Variants in CCSAP observed in about 807,000 individuals in gnomAD.
CCSAP encodes the protein centriole, cilia and spindle-associated protein.
In CCSAP, 17 loss-of-function variants were observed where a neutral mutation model predicts 25.9. That is an observed-to-expected ratio of 0.66 (90% CI 0.45 to 0.99). The LOEUF (loss-of-function observed/expected upper bound fraction) is 0.99. Among genes scored for constraint, CCSAP ranks in the 50% least tolerant of loss-of-function variants. CCSAP has a pLI of 0.00. For synonymous variants in CCSAP, 169 were observed against 157.1 expected (o/e 1.08, Z -0.57); for missense variants, 339 against 367.8 (o/e 0.92, Z 0.64).
At chr1:229,339,379 C>G (rs189030280) in intron 2 of CCSAP, among the ~76,000 whole-genome samples, 1 of 152,262 alleles carries the variant, frequency 6.6e-6, no homozygotes, top group Admixed American at 6.5e-5. Flanking sequence ...TTTCTACGGA[C>G]AACTGTTCCA....
At chr1:229,328,464 G>A (rs1367682511) in intron 2 of CCSAP, among the ~76,000 whole-genome samples, 1 of 120,790 alleles carries the variant, frequency 8.3e-6, no homozygotes, top group East Asian at 2.2e-4. Flanking sequence ...CCATGCCCAG[G>A]CAATTTACAA....
In CCSAP at chr1:229,342,610, A is replaced by G; in HGVS notation, c.-48-97T>C. ...CCCGGAGCCCCGCCCGGACGGGAGC[A>G]GGGGGCGGGTCCCGGCGAGGGCGGG... is the stretch of plus-strand genomic sequence containing the variant. On this transcript the variant is annotated intron_variant, in intron 1 of 3. Transcript: ENST00000284617. This position sits in a 1 kb window ranked among gnomAD's most constrained non-coding sequence, Gnocchi z 7.5. 1 of 484,058 alleles carries G rather than the reference A, an allele frequency of 2.1e-6. No individual in the cohort carries two copies. Among genetic ancestry groups the G allele is most frequent in the Non-Finnish European group, 3.2e-6 (1 of 311,268 alleles). 30.0% of individuals were successfully genotyped at this position (484,058 alleles called of 1,614,324 possible). A position where few individuals can be genotyped will look rare whatever the true frequency, so the allele number is the denominator to read the frequency against.
In CCSAP at chr1:229,339,079, GA is replaced by G. The variant is rs1386793548; in HGVS notation, c.367+3019del. On this transcript the variant is annotated intron_variant, in intron 2 of 3. Coordinates refer to ENST00000284617, the MANE Select transcript of CCSAP (RefSeq NM_145257.5). ...GTCTAATATCCAACTAAGGACTTCA[GA>G]AAAAAAAGAAATGGGAAAAAAAAAA... Among the ~76,000 whole-genome samples, 4 of 97,300 alleles carry G rather than the reference GA, an allele frequency of 4.1e-5. No individual in the cohort carries two copies. The South Asian group carries it at 1.4e-3, about 35-fold the overall frequency. 63.8% of individuals were successfully genotyped at this position (97,300 alleles called of 152,430 possible). A position where few individuals can be genotyped will look rare whatever the true frequency, so the allele number is the denominator to read the frequency against.
intron 2 of CCSAP, chr1:229,327,692 A>C: frequency 2.5e-6 from 1 of 403,946 alleles, no homozygotes; most frequent in Non-Finnish European, 4.9e-6. Flanking sequence ...ACATGGTGAA[A>C]CCCCGTCTCT....
chr1:229,338,280 G>A (rs1474748139), intron 2 of CCSAP, among the ~76,000 whole-genome samples: 2 of 152,138 alleles, frequency 1.3e-5, no homozygotes, highest in Non-Finnish European at 2.9e-5. Context: ...GGTGGCCAAT[G>A]CTGAAAGGAA....
Position 229,342,383 on chromosome 1 carries a change from C to A in CCSAP, c.83G>T (p.Arg28Leu). ...GCCTAGGCGGTAGTGCAGCAGCTCGCGGTAGCACGGCCCGTACTCCTCCCA... is the reference window on the plus strand; with the variant it reads ...GCCTAGGCGGTAGTGCAGCAGCTCGAGGTAGCACGGCCCGTACTCCTCCCA... ...PRWEEYGPCY[R>L]ELLHYRLGRR... The change falls in exon 2 of 4, where the codon CGC becomes CTC. Residue 28 changes from arginine to leucine, a missense_variant. Arg to Leu is a moderately radical substitution (Grantham distance 102). Transcript: ENST00000284617. The surrounding 1 kb of genome is among the most constrained non-coding windows in gnomAD (Gnocchi z 7.5). The A allele has an allele frequency of 6.7e-7, 1 of 1,503,528 alleles. No individual in the cohort carries two copies. Among genetic ancestry groups the A allele is most frequent in the Non-Finnish European group, 8.9e-7 (1 of 1,123,758 alleles). The allele number at this position is 1,503,528 out of a possible 1,614,324, so 93.1% of individuals were successfully genotyped here.
Position 229,325,070 on chromosome 1 carries a change from C to T in CCSAP, c.*165G>A. On this transcript the variant is annotated 3_prime_UTR_variant, in exon 4 of 4. Transcript: ENST00000284617. Reference sequence around the variant, plus strand: ...CTGCCCTACTGCCGAGGTAGGTGACCAATATTCATCAAAATAAAACAATCT... The same window carrying T: ...CTGCCCTACTGCCGAGGTAGGTGACTAATATTCATCAAAATAAAACAATCT... 1 of 612,778 alleles carries T rather than the reference C, an allele frequency of 1.6e-6. No individual in the cohort carries two copies. 38.0% of individuals were successfully genotyped at this position (612,778 alleles called of 1,614,324 possible).
At chr1:229,332,502 G>A (rs562399266) in intron 2 of CCSAP, among the ~76,000 whole-genome samples, 2 of 152,278 alleles carry the variant, frequency 1.3e-5, no homozygotes, top group East Asian at 3.9e-4. Flanking sequence ...AACAATAAGT[G>A]TATGTTTCTA....
At position 229,321,918 on chromosome 1, in the gene CCSAP, T is replaced by C. The variant is rs976467594; in HGVS notation, c.*3317A>G. Reference sequence around the variant, plus strand: ...CTTTTTTTTCCTTGTCATTATTCCCTAAACAATATAGTATAACAACTATTT... The same window carrying C: ...CTTTTTTTTCCTTGTCATTATTCCCCAAACAATATAGTATAACAACTATTT... On this transcript the variant is annotated 3_prime_UTR_variant, in exon 4 of 4. Coordinates refer to ENST00000284617, the MANE Select transcript of CCSAP (RefSeq NM_145257.5). 2.6e-5 allele frequency: 4 copies of C among 152,256 alleles called. No homozygotes were observed. Among genetic ancestry groups the C allele is most frequent in the African/African-American group, 9.6e-5 (4 of 41,468 alleles). 9.4% of individuals were successfully genotyped at this position (152,256 alleles called of 1,614,324 possible). A position where few individuals can be genotyped will look rare whatever the true frequency, so the allele number is the denominator to read the frequency against.
chr1:229,336,132 G>A (rs1658189523), intron 2 of CCSAP, among the ~76,000 whole-genome samples: 2 of 146,570 alleles, frequency 1.4e-5, no homozygotes, highest in Non-Finnish European at 3.0e-5. Context: ...TATCCATGGG[G>A]GTATCTCGGA....
chr1:229,333,431 G>GGAAAA (rs1553304883), intron 2 of CCSAP, among the ~76,000 whole-genome samples: 2 of 70,478 alleles, frequency 2.8e-5, no homozygotes, highest in Non-Finnish European at 5.4e-5. Flanking sequence ...AGACTCCATC[G>GGAAAA]AAAAAAAAAA....
chr1:229,336,009 A>G (rs1221602917), intron 2 of CCSAP, among the ~76,000 whole-genome samples: 1 of 151,958 alleles, frequency 6.6e-6, no homozygotes, highest in Non-Finnish European at 1.5e-5. Context: ...ATTTAATTGT[A>G]TTAGGTATTA....
At chr1:229,337,678 A>AAAAAAAAAAAAAAAAAAAAT in intron 2 of CCSAP, among the ~76,000 whole-genome samples, 2 of 65,510 alleles carry the variant, frequency 3.1e-5, no homozygotes, top group Non-Finnish European at 6.2e-5. Flanking sequence ...CTCAAAAAAA[A>AAAAAAAAAAAAAAAAAAAAT]ATATATATAT....
chr1:229,329,448 G>T (rs905166221), intron 2 of CCSAP, among the ~76,000 whole-genome samples: 6 of 152,208 alleles, frequency 3.9e-5, no homozygotes. Context: ...GGGGTAGATA[G>T]TGTGGGGGAA....
intron 2 of CCSAP, among the ~76,000 whole-genome samples, chr1:229,334,107 G>T (rs1026201695): frequency 5.3e-5 from 8 of 152,018 alleles, no homozygotes; most frequent in Non-Finnish European, 1.0e-4. Context: ...GTCTCACTCT[G>T]TCACCCAGGC....
intron 2 of CCSAP, among the ~76,000 whole-genome samples, chr1:229,339,857 T>C (rs1349338670): frequency 6.6e-6 from 1 of 152,134 alleles, no homozygotes; most frequent in Non-Finnish European, 1.5e-5. Flanking sequence ...ACAAACTCTA[T>C]GAGGACTGTA....
rs1658372503 is a variant in CCSAP, at chr1:229,342,717, G to A, written c.-49+195C>T. On this transcript the variant is annotated intron_variant, in intron 1 of 3. Transcript: ENST00000284617. This position sits in a 1 kb window ranked among gnomAD's most constrained non-coding sequence, Gnocchi z 7.5. Reference sequence around the variant, plus strand: ...GGACCGGGGCTGCTGGGGTCGAGGGGCGCGCCGCCGAGGAGGGCTGCTCAG... The same window carrying A: ...GGACCGGGGCTGCTGGGGTCGAGGGACGCGCCGCCGAGGAGGGCTGCTCAG... Among the ~76,000 whole-genome samples, 1 of 152,012 alleles carries A rather than the reference G, an allele frequency of 6.6e-6. No individual in the cohort carries two copies. The highest frequency in any genetic ancestry group is 1.5e-5 in the Non-Finnish European group (1 of 67,964).
rs1179724836 is a variant in CCSAP, at chr1:229,322,124, G to A, written c.*3111C>T. The A allele has an allele frequency of 6.6e-6, 1 of 152,120 alleles. No individual in the cohort carries two copies. Among genetic ancestry groups the A allele is most frequent in the African/African-American group, 2.4e-5 (1 of 41,426 alleles). 9.4% of individuals were successfully genotyped at this position (152,120 alleles called of 1,614,324 possible). ...CAATGCCCCATGGATACTGAGAGGC[G>A]ACTGTACCATAACATTCCATTTACA... is the stretch of plus-strand genomic sequence containing the variant. On this transcript the variant is annotated 3_prime_UTR_variant, in exon 4 of 4. Coordinates refer to ENST00000284617, the MANE Select transcript of CCSAP (RefSeq NM_145257.5).
chr1:229,342,576 A>C lies in CCSAP; in HGVS notation c.-48-63T>G. 2 of 714,850 alleles carry C rather than the reference A, an allele frequency of 2.8e-6. No individual in the cohort carries two copies. The highest frequency in any genetic ancestry group is 3.9e-6 in the Non-Finnish European group (2 of 518,066). The allele number at this position is 714,850 out of a possible 1,614,324, so 44.3% of individuals were successfully genotyped here. On this transcript the variant is annotated intron_variant, in intron 1 of 3. Coordinates refer to ENST00000284617, the MANE Select transcript of CCSAP (RefSeq NM_145257.5). This position sits in a 1 kb window ranked among gnomAD's most constrained non-coding sequence, Gnocchi z 7.5. ...CCCTCCGCCGGCCCTGCCCGCCGCG[A>C]CGTTTAAACCCGGAGCCCCGCCCGG...
Sources: gnomAD v4.1 joint callset for allele counts (sites outside exome capture counted in the v4.1 genomes callset) on GRCh38, gnomAD v4.1.1 for gene constraint, Gnocchi (gnomAD v3.1) non-coding constraint, MANE v1.5 for transcripts, NCBI Gene and HGNC (gene_info 2026-07-23, HGNC 2026-07-21) for gene names.